TNN: variants seen among roughly 807,000 people sequenced by gnomAD.
TNN encodes the protein tenascin-N.
In TNN, 122 loss-of-function variants were observed where a neutral mutation model predicts 134.4. The ratio of observed to expected loss-of-function variants is 0.91; its 90% CI spans 0.78 to 1.06. The LOEUF is 1.06. TNN is among the 50% of genes least tolerant of loss of function. The pLI is 0.00. For synonymous variants in TNN, 710 were observed against 670.3 expected, an observed-to-expected ratio of 1.06 and a Z score of -0.91; for missense variants, 1,739 against 1,699.4, an observed-to-expected ratio of 1.02 and a Z score of -0.41.
At chr1:175,119,323 A>G (rs1675281339) in intron 11 of TNN, among the ~76,000 whole-genome samples, 1 of 152,266 alleles carries the variant, frequency 6.6e-6, no homozygotes, top group Non-Finnish European at 1.5e-5. Flanking sequence ...GTAAACTGTC[A>G]TGGCACTGGT....
chr1:175,129,780 C>T (rs1675630123), intron 15 of TNN, among the ~76,000 whole-genome samples: 2 of 152,108 alleles, frequency 1.3e-5, no homozygotes, highest in Admixed American at 6.5e-5. Flanking sequence ...GAGTTCATCT[C>T]AGGTCATCCA....
chr1:175,117,243 A>C, intron 10 of TNN, 38 bp downstream of exon 10: 1 of 1,600,378 alleles, frequency 6.2e-7, no homozygotes, highest in South Asian at 1.1e-5. Flanking sequence ...AAGAGCTTTC[A>C]TGCTAAGTCA....
intron 1 of TNN, among the ~76,000 whole-genome samples, chr1:175,072,693 C>T (rs149837425): frequency 3.4e-4 from 52 of 152,274 alleles, no homozygotes; most frequent in African/African-American, 1.2e-3. Context: ...GAGGATTTCC[C>T]TTGCTCTCAT....
chr1:175,090,672 A>T (rs906075639), intron 6 of TNN, among the ~76,000 whole-genome samples: 2 of 152,244 alleles, frequency 1.3e-5, no homozygotes, highest in Non-Finnish European at 2.9e-5. Flanking sequence ...AAATCTTGTT[A>T]TAAAGTGGAA....
At chr1:175,084,040 GC>G in intron 5 of TNN, 105 bp downstream of exon 5, 1 of 1,171,242 alleles carries the variant, frequency 8.5e-7, no homozygotes, top group Non-Finnish European at 1.2e-6. Context: ...TGCACAGACA[GC>G]CCAGGGGCCT....
chr1:175,136,940 A>G lies in TNN; in HGVS notation c.3547A>G (p.Ser1183Gly), dbSNP rs1417502266. ...ATATGATTTCTTCCAAGTGGCCTCCAGCAAGGAGCGGTATAAGCTGACAGT... is the reference window on the plus strand; with the variant it reads ...ATATGATTTCTTCCAAGTGGCCTCCGGCAAGGAGCGGTATAAGCTGACAGT... ...AIYDFFQVAS[S>G]KERYKLTVGK... The change falls in exon 17 of 19, where the codon AGC (serine) becomes GGC (glycine). Residue 1183 changes from serine to glycine, a missense_variant. Coordinates refer to ENST00000239462, the MANE Select transcript of TNN (RefSeq NM_022093.2). 1 of 1,614,202 alleles carries G rather than the reference A, an allele frequency of 6.2e-7. No homozygotes were observed. Among genetic ancestry groups the G allele is most frequent in the Admixed American group, 1.7e-5 (1 of 60,022 alleles).
chr1:175,128,366 T>C (rs190246443), intron 14 of TNN, among the ~76,000 whole-genome samples: 26 of 152,234 alleles, frequency 1.7e-4, no homozygotes, highest in Admixed American at 3.3e-4. Context: ...AGAGTGTTAC[T>C]TTGTGAGGGA....
intron 6 of TNN, 132 bp from the exon 7 acceptor site, chr1:175,093,858 G>A (rs566326606): frequency 2.3e-6 from 2 of 877,882 alleles, no homozygotes; most frequent in African/African-American, 1.7e-5. Context: ...TGTCACTGAT[G>A]ATGGAGAGAC....
intron 9 of TNN, among the ~76,000 whole-genome samples, chr1:175,101,882 T>C (rs561564467): frequency 4.8e-5 from 7 of 147,146 alleles, no homozygotes; most frequent in Non-Finnish European, 7.6e-5. Flanking sequence ...GGGTGCTGAT[T>C]GGTGTATTTA....
intron 3 of TNN, 87 bp downstream of exon 3, chr1:175,079,794 G>C: frequency 6.8e-7 from 1 of 1,462,906 alleles, no homozygotes; most frequent in African/African-American, 1.4e-5. Flanking sequence ...CATCTTTGGG[G>C]GTCTCTTCCT....
intron 9 of TNN, among the ~76,000 whole-genome samples, chr1:175,114,178 C>T (rs963652107): frequency 6.6e-6 from 1 of 152,172 alleles, no homozygotes; most frequent in Non-Finnish European, 1.5e-5. Context: ...GGAACAATTG[C>T]CTCTTCTAAA....
chr1:175,118,045 G>T (rs998435613), intron 10 of TNN, among the ~76,000 whole-genome samples: 1 of 152,110 alleles, frequency 6.6e-6, no homozygotes, highest in Non-Finnish European at 1.5e-5. Context: ...CATTTTCCAC[G>T]TGCCCTGCCC....
At chr1:175,088,298 C>T (rs1674365379) in intron 6 of TNN, among the ~76,000 whole-genome samples, 1 of 152,154 alleles carries the variant, frequency 6.6e-6, no homozygotes, top group Admixed American at 6.5e-5. Context: ...CCCTCAACCC[C>T]TTACAGCAGT....
chr1:175,128,136 C>A lies in TNN; in HGVS notation c.3150C>A (p.Ser1050Arg), dbSNP rs757566890. 20 of 1,610,836 alleles carry A rather than the reference C, an allele frequency of 1.2e-5. No individual in the cohort carries two copies. The Middle Eastern group carries it at 6.6e-4, about 53-fold the overall frequency. ...TTGCCTTTAAGGGTGGTCGCCGGAGCAGAAATGTATCCACCACCCTCTCCA... is the reference window on the plus strand; with the variant it reads ...TTGCCTTTAAGGGTGGTCGCCGGAGAAGAAATGTATCCACCACCCTCTCCA... Reference protein sequence around the residue: ...SLVAFKGGRRSRNVSTTLSTV... With the variant: ...SLVAFKGGRRRRNVSTTLSTV... Residue 1050 changes from serine to arginine, a missense_variant, in exon 14 of 19, where the codon AGC becomes AGA. Coordinates refer to ENST00000239462, the MANE Select transcript of TNN (RefSeq NM_022093.2).
chr1:175,115,335 A>G (rs1157190971), intron 9 of TNN, among the ~76,000 whole-genome samples: 1 of 98,382 alleles, frequency 1.0e-5, no homozygotes, highest in Non-Finnish European at 2.4e-5. Flanking sequence ...TTCCCTGAGG[A>G]GCTGAAACTA....
intron 4 of TNN, among the ~76,000 whole-genome samples, chr1:175,082,332 A>G (rs940902840): frequency 3.3e-5 from 5 of 152,254 alleles, no homozygotes; most frequent in Admixed American, 2.0e-4. Flanking sequence ...GATTCAGGTT[A>G]AACACATTCT....
chr1:175,136,895 A>T lies in TNN; in HGVS notation c.3502A>T (p.Asn1168Tyr). ...GGTGAGAGTGGATTTACAGACTGCC[A>T]ATGAATCTGCCTATGCTATATATGA... ...YEVRVDLQTANESAYAIYDFF... is the reference protein window; with the variant it reads ...YEVRVDLQTAYESAYAIYDFF... Residue 1168 changes from asparagine to tyrosine, a missense_variant, in exon 17 of 19, where the codon AAT becomes TAT. By Grantham distance (143) the Asn-to-Tyr change is moderately radical. Transcript: ENST00000239462. The T allele has an allele frequency of 8.7e-6, 14 of 1,614,228 alleles. No homozygotes were observed. The highest frequency in any genetic ancestry group is 1.0e-5 in the Non-Finnish European group (12 of 1,180,036).
At chr1:175,073,936 G>A (rs557266518) in intron 1 of TNN, among the ~76,000 whole-genome samples, 32 of 152,182 alleles carry the variant, frequency 2.1e-4, no homozygotes, top group Non-Finnish European at 4.3e-4. Context: ...CTCGGGCCCT[G>A]AACTGCCCTC....
At position 175,127,197 on chromosome 1, in the gene TNN, A is replaced by T. The variant is rs2072040; in HGVS notation, c.3045+112A>T. 2.7e-4 allele frequency: 357 copies of T among 1,311,336 alleles called. No homozygotes were observed. The African/African-American group carries it at 4.4e-3, about 16-fold the overall frequency. The allele number at this position is 1,311,336 out of a possible 1,614,324, so 81.2% of individuals were successfully genotyped here. On this transcript the variant is annotated intron_variant, in intron 13 of 18. Transcript: ENST00000239462. ...CACGGCAACTTGCTGATCTTTACTGATCACATTGCTGGTTGTACATCTGCC... is the reference window on the plus strand; with the variant it reads ...CACGGCAACTTGCTGATCTTTACTGTTCACATTGCTGGTTGTACATCTGCC...
Sources: gnomAD v4.1 joint callset for allele counts (sites outside exome capture counted in the v4.1 genomes callset) on GRCh38, gnomAD v4.1.1 for gene constraint, MANE v1.5 for transcripts, NCBI Gene and HGNC (gene_info 2026-07-23, HGNC 2026-07-21) for gene names.